The following CSMD1 variants were observed in gnomAD, a reference collection of about 807,000 sequenced individuals.
CSMD1 encodes the protein CUB and sushi domain-containing protein 1.
CSMD1 carries 213 observed loss-of-function variants against 417.5 expected under a neutral mutation model. The observed-to-expected ratio is 0.51, with a 90% CI of 0.46 to 0.57. The LOEUF is 0.57. Among genes scored for constraint, CSMD1 ranks in the 20% least tolerant of loss-of-function variants. CSMD1 has a pLI of 0.00. For synonymous variants in CSMD1, 2,862 were observed against 1,736.8 expected (o/e 1.65, Z -16.11); for missense variants, 6,923 against 4,529.7 (o/e 1.53, Z -15.17).
intron 3 of CSMD1, among the ~76,000 whole-genome samples, chr8:4,365,453 G>C (rs901416106): frequency 6.6e-6 from 1 of 152,126 alleles, no homozygotes; most frequent in Non-Finnish European, 1.5e-5. Flanking sequence ...TTTCTTTTTA[G>C]ATTGTCTGTT....
At chr8:3,541,516 A>G (rs1563136642) in intron 10 of CSMD1, among the ~76,000 whole-genome samples, 1 of 151,950 alleles carries the variant, frequency 6.6e-6, no homozygotes, top group Non-Finnish European at 1.5e-5. Context: ...CTGCACATCT[A>G]TTCTGGAACT....
intron 2 of CSMD1, among the ~76,000 whole-genome samples, chr8:4,580,498 T>C (rs1381797525): frequency 6.6e-6 from 1 of 152,224 alleles, no homozygotes; most frequent in African/African-American, 2.4e-5. Flanking sequence ...AATTTCCTAA[T>C]ATCATGAGGT....
chr8:4,256,708 G>T (rs951019042), intron 3 of CSMD1, among the ~76,000 whole-genome samples: 6 of 126,666 alleles, frequency 4.7e-5, no homozygotes, highest in Admixed American at 2.5e-4. Flanking sequence ...GGCGTGGTGT[G>T]GGGGAAGGAA....
chr8:4,166,273 A>G (rs1169179327), intron 3 of CSMD1, among the ~76,000 whole-genome samples: 1 of 152,240 alleles, frequency 6.6e-6, no homozygotes, highest in African/African-American at 2.4e-5. Context: ...TAAAATACAT[A>G]AACATAAAAG....
intron 10 of CSMD1, among the ~76,000 whole-genome samples, chr8:3,563,238 G>A (rs1157457724): frequency 2.6e-5 from 4 of 151,458 alleles, no homozygotes; most frequent in Admixed American, 6.6e-5. Flanking sequence ...TGACATCTCC[G>A]CACAAACCGG....
chr8:3,110,983 A>C (rs1190715210), intron 42 of CSMD1, among the ~76,000 whole-genome samples: 1 of 152,178 alleles, frequency 6.6e-6, no homozygotes, highest in Non-Finnish European at 1.5e-5. Context: ...TATTTTATTT[A>C]TGGAAAATGA....
At chr8:3,684,469 T>G (rs1486643368) in intron 7 of CSMD1, among the ~76,000 whole-genome samples, 2 of 150,976 alleles carry the variant, frequency 1.3e-5, no homozygotes, top group African/African-American at 4.9e-5. Flanking sequence ...AGATATAGGT[T>G]TTGGGATTTT....
chr8:4,970,096 A>C (rs565482715), intron 1 of CSMD1, among the ~76,000 whole-genome samples: 18 of 152,254 alleles, frequency 1.2e-4, no homozygotes, highest in Non-Finnish European at 2.5e-4. Flanking sequence ...CATAAAAATA[A>C]TATATAAAGT....
intron 1 of CSMD1, among the ~76,000 whole-genome samples, chr8:4,883,851 G>C (rs1165406454): frequency 2.0e-5 from 3 of 151,710 alleles, no homozygotes; most frequent in African/African-American, 4.8e-5. Context: ...TTATAACTGG[G>C]GGTGAAATTT....
intron 53 of CSMD1, 146 bp downstream of exon 53, chr8:2,999,812 G>A (rs1038721421): frequency 9.5e-6 from 6 of 632,190 alleles, no homozygotes; most frequent in Non-Finnish European, 1.5e-5. Context: ...CACCTCTCCT[G>A]TTCTCTTTCT....
intron 1 of CSMD1, among the ~76,000 whole-genome samples, chr8:4,750,820 T>G (rs188582146): frequency 6.6e-6 from 1 of 152,090 alleles, no homozygotes; most frequent in Non-Finnish European, 1.5e-5. Context: ...CTTGTTTCAG[T>G]ATCAAGGGTC....
rs186821742 is a variant in CSMD1 at position 3,853,482 on chromosome 8, G to A, written c.819-99440C>T. 2.0e-3 allele frequency among the ~76,000 whole-genome samples: 312 copies of A among 152,250 alleles called. 1 individual carries two copies. The highest frequency in any genetic ancestry group is 2.1e-3 in the Non-Finnish European group (144 of 68,020). The stretch of plus-strand genomic sequence containing the variant: ...TGTGAAGGCAAGGATCTTTGTCTAC[G>A]TTGTTCACAGACACTTCTCAAGCAT... On this transcript the variant is annotated intron_variant, in intron 5 of 69. Coordinates refer to ENST00000635120, the MANE Select transcript of CSMD1 (RefSeq NM_033225.6).
chr8:3,489,912 C>T (rs182169468), intron 11 of CSMD1, among the ~76,000 whole-genome samples: 4 of 152,260 alleles, frequency 2.6e-5, no homozygotes, highest in Non-Finnish European at 4.4e-5. Context: ...TAAACTGCTG[C>T]TTTATGTAAA....
chr8:4,311,428 G>T (rs1378147183), intron 3 of CSMD1, among the ~76,000 whole-genome samples: 1 of 152,140 alleles, frequency 6.6e-6, no homozygotes, highest in Non-Finnish European at 1.5e-5. Flanking sequence ...TTTCACTTAT[G>T]AGTGGAATCT....
In CSMD1 at chr8:3,157,933, C is replaced by A; in HGVS notation, c.5878G>T (p.Val1960Phe). 6.4e-7 allele frequency: 1 copy of A among 1,554,754 alleles called. No homozygotes were observed. The highest frequency in any genetic ancestry group is 2.4e-5 in the East Asian group (1 of 41,076). ...GGAGACGGATAGTTCCAACGGCGAA[C>A]GGTCCCTGGCATACAGGAAATGTGG... The part of the protein sequence containing the change: ...RSHISCMPGT[V>F]RRWNYPSPLC... Residue 1960 changes from valine to phenylalanine, a missense_variant, in exon 39 of 70, where the codon GTT becomes TTT. Physicochemically the swap from Val to Phe is conservative, Grantham distance 50. Coordinates refer to ENST00000635120, the MANE Select transcript of CSMD1 (RefSeq NM_033225.6).
At chr8:4,473,974 T>C (rs949006964) in intron 2 of CSMD1, among the ~76,000 whole-genome samples, 1 of 152,120 alleles carries the variant, frequency 6.6e-6, no homozygotes, top group Non-Finnish European at 1.5e-5. Flanking sequence ...TAGGTACCTG[T>C]GTCAAAAGAG....
chr8:4,103,984 C>G (rs1402897829), intron 3 of CSMD1, among the ~76,000 whole-genome samples: 2 of 152,216 alleles, frequency 1.3e-5, no homozygotes, highest in Non-Finnish European at 2.9e-5. Context: ...TCCTGATGTT[C>G]TAAGAGTGCC....
rs189585293 is a variant in CSMD1, at chr8:3,870,411, C to T, written c.819-116369G>A. On this transcript the variant is annotated intron_variant, in intron 5 of 69. Transcript: ENST00000635120. ...TCCCCCAGCTATGCACATAGCACTC[C>T]ATGAAACATTTATATGCATATATCT... is the stretch of plus-strand genomic sequence containing the variant. Among the ~76,000 whole-genome samples the T allele has an allele frequency of 2.1e-3, 315 of 152,186 alleles. 2 individuals are homozygous for T. Among genetic ancestry groups the T allele is most frequent in the African/African-American group, 7.3e-3 (305 of 41,518 alleles).
intron 3 of CSMD1, among the ~76,000 whole-genome samples, chr8:4,187,754 G>A (rs933734254): frequency 4.0e-5 from 6 of 148,932 alleles, no homozygotes; most frequent in African/African-American, 9.9e-5. Context: ...AACACTCAGA[G>A]AAATATATTT....
Sources: gnomAD v4.1 joint callset for allele counts (sites outside exome capture counted in the v4.1 genomes callset) on GRCh38, gnomAD v4.1.1 for gene constraint, MANE v1.5 for transcripts, NCBI Gene and HGNC (gene_info 2026-07-23, HGNC 2026-07-21) for gene names.